E2F3: variants seen among roughly 807,000 people sequenced by gnomAD.
E2F3 encodes transcription factor E2F3.
Under a neutral mutation model 44.4 loss-of-function variants are expected in E2F3, and 11 were observed. The observed-to-expected ratio is 0.25, with a 90% confidence interval of 0.16 to 0.41. The LOEUF is 0.41. Ranked by LOEUF, E2F3 falls within the 10% of genes least tolerant of loss-of-function variation. The pLI is 1.00. For missense variants in E2F3, 487 were observed against 583.6 expected (o/e 0.83, Z 1.70); for synonymous variants, 249 against 253.0 (o/e 0.98, Z 0.15).
chr6:20,420,827 T>C (rs567153492), intron 1 of E2F3, among the ~76,000 whole-genome samples: 1 of 152,312 alleles, frequency 6.6e-6, no homozygotes, highest in South Asian at 2.1e-4. Flanking sequence ...AAATCAAGTT[T>C]TCCACATTGA....
intron 1 of E2F3, among the ~76,000 whole-genome samples, chr6:20,426,136 A>G (rs957656212): frequency 7.2e-5 from 11 of 152,250 alleles, no homozygotes; most frequent in South Asian, 2.1e-4. Context: ...ATACTACACC[A>G]GAATATAAAT....
chr6:20,419,125 CTG>C (rs1561851210), intron 1 of E2F3, among the ~76,000 whole-genome samples: 1 of 152,200 alleles, frequency 6.6e-6, no homozygotes, highest in Non-Finnish European at 1.5e-5. Context: ...AATTCCCTAT[CTG>C]TATATATTGT....
chr6:20,479,192 TTGTAGTC>T (rs1316536822), intron 1 of E2F3, among the ~76,000 whole-genome samples: 4 of 152,198 alleles, frequency 2.6e-5, no homozygotes, highest in Admixed American at 2.6e-4. Context: ...GAAGGGCCGT[TTGTAGTC>T]TGTGACTAGT....
intron 1 of E2F3, among the ~76,000 whole-genome samples, chr6:20,475,140 T>G (rs1292593932): frequency 1.3e-5 from 2 of 152,242 alleles, no homozygotes; most frequent in East Asian, 3.8e-4. Context: ...GGACCTTCAC[T>G]TTCTAGACTT....
At chr6:20,421,086 T>G (rs778410337) in intron 1 of E2F3, among the ~76,000 whole-genome samples, 2 of 152,262 alleles carry the variant, frequency 1.3e-5, no homozygotes, top group Admixed American at 6.5e-5. Context: ...TATTCAAGTT[T>G]GAACATGAGA....
chr6:20,485,900 C>T (rs760999566), intron 4 of E2F3, among the ~76,000 whole-genome samples: 1 of 152,156 alleles, frequency 6.6e-6, no homozygotes, highest in Non-Finnish European at 1.5e-5. Context: ...TTGGTGGCTG[C>T]TGACACTTGC....
intron 1 of E2F3, among the ~76,000 whole-genome samples, chr6:20,435,728 C>A (rs1056101298): frequency 6.6e-6 from 1 of 151,890 alleles, no homozygotes; most frequent in Non-Finnish European, 1.5e-5. Context: ...TCCAGCCTGG[C>A]GACAGAGGGA....
At chr6:20,423,633 G>A (rs1760103166) in intron 1 of E2F3, among the ~76,000 whole-genome samples, 2 of 151,764 alleles carry the variant, frequency 1.3e-5, no homozygotes, top group African/African-American at 2.4e-5. Context: ...ACCACACCCA[G>A]CTAATTTTTG....
chr6:20,491,006 T>C lies in E2F3; in HGVS notation c.*576T>C. On this transcript the variant is annotated 3_prime_UTR_variant, in exon 7 of 7. Coordinates refer to ENST00000346618, the MANE Select transcript of E2F3 (RefSeq NM_001949.5). ...TCATAATTCAGTTTAAGCTATGAACTGTGTGTCCCAGTAGGAGGTCAAGAA... is the reference window on the plus strand; with the variant it reads ...TCATAATTCAGTTTAAGCTATGAACCGTGTGTCCCAGTAGGAGGTCAAGAA... The C allele has an allele frequency of 4.4e-6, 1 of 229,112 alleles. No homozygotes were observed. The highest frequency in any genetic ancestry group is 8.7e-6 in the Non-Finnish European group (1 of 115,160). 14.2% of individuals were successfully genotyped at this position (229,112 alleles called of 1,614,324 possible).
chr6:20,474,206 G>A (rs946077486), intron 1 of E2F3, among the ~76,000 whole-genome samples: 1 of 151,944 alleles, frequency 6.6e-6, no homozygotes, highest in Non-Finnish European at 1.5e-5. Context: ...CAAGTACCTG[G>A]GACTACAGGC....
rs1348222134 is a variant in E2F3, at chr6:20,485,088, T to C, written c.885-1601T>C. ...CCATTAAATACGTTATACTACCTGC[T>C]GAAATGCCTTCATTGGTTTGTTACT... On this transcript the variant is annotated intron_variant, in intron 4 of 6. Coordinates refer to ENST00000346618, the MANE Select transcript of E2F3 (RefSeq NM_001949.5). Among the ~76,000 whole-genome samples the C allele has an allele frequency of 2.0e-5, 3 of 152,202 alleles. No homozygotes were observed. The East Asian group carries it at 5.8e-4, about 29-fold the overall frequency.
intron 1 of E2F3, among the ~76,000 whole-genome samples, chr6:20,435,429 A>C (rs1222097374): frequency 6.6e-6 from 1 of 152,220 alleles, no homozygotes; most frequent in Non-Finnish European, 1.5e-5. Context: ...TTTTAACTTC[A>C]AAAGATAGGG....
chr6:20,404,701 T>C (rs1244199832), intron 1 of E2F3, among the ~76,000 whole-genome samples: 5 of 146,400 alleles, frequency 3.4e-5, no homozygotes, highest in Non-Finnish European at 6.1e-5. Context: ...ATGTGTGATG[T>C]AGTCTTAGTC....
chr6:20,455,612 C>T (rs1761283460), intron 1 of E2F3, among the ~76,000 whole-genome samples: 1 of 152,144 alleles, frequency 6.6e-6, no homozygotes, highest in South Asian at 2.1e-4. Flanking sequence ...TCATAGTTGG[C>T]TGAAGAGAGA....
chr6:20,432,856 CTG>C (rs1760453613), intron 1 of E2F3, among the ~76,000 whole-genome samples: 1 of 152,204 alleles, frequency 6.6e-6, no homozygotes, highest in Non-Finnish European at 1.5e-5. Flanking sequence ...AAGCTGCTTC[CTG>C]CCTCAGGGCC....
chr6:20,449,055 T>C (rs753754492), intron 1 of E2F3, among the ~76,000 whole-genome samples: 17 of 152,240 alleles, frequency 1.1e-4, no homozygotes, highest in Non-Finnish European at 2.2e-4. Context: ...CACTTTGACC[T>C]AACCCTATTG....
At chr6:20,482,342 G>GTTT (rs71734781) in intron 3 of E2F3, among the ~76,000 whole-genome samples, 2 of 130,150 alleles carry the variant, frequency 1.5e-5, no homozygotes, top group African/African-American at 5.7e-5. Context: ...TTGTTTTTTT[G>GTTT]TTTTTTTTTT....
At chr6:20,457,287 G>A (rs554150229) in intron 1 of E2F3, among the ~76,000 whole-genome samples, 18 of 150,700 alleles carry the variant, frequency 1.2e-4, no homozygotes, top group Non-Finnish European at 1.9e-4. Flanking sequence ...CGATTCTCCC[G>A]TCTCGGCCTC....
chr6:20,441,891 T>C (rs1458472617), intron 1 of E2F3, among the ~76,000 whole-genome samples: 1 of 152,066 alleles, frequency 6.6e-6, no homozygotes, highest in Non-Finnish European at 1.5e-5. Context: ...TTTGAGGAAC[T>C]ATCAAACTGT....
Sources: allele counts gnomAD v4.1 joint callset (sites outside exome capture counted in the v4.1 genomes callset), GRCh38; gene constraint gnomAD v4.1.1; transcripts MANE v1.5; gene names NCBI Gene and HGNC (gene_info 2026-07-23, HGNC 2026-07-21).